The following SIGLECL1 variants were observed in gnomAD, a reference collection of about 807,000 sequenced individuals.
SIGLECL1 encodes SIGLEC family-like protein 1.
SIGLECL1 carries 16 observed loss-of-function variants against 19.1 expected under a neutral mutation model. The ratio of observed to expected loss-of-function variants is 0.84; its 90% confidence interval spans 0.57 to 1.27. The LOEUF (loss-of-function observed/expected upper bound fraction) is 1.27, where lower values mean the gene tolerates loss of function less well. SIGLECL1 is among the 50% of genes most tolerant of loss of function. The pLI, the probability that SIGLECL1 is intolerant of heterozygous loss-of-function variation, is 0.00. For synonymous variants in SIGLECL1, 89 were observed against 90.4 expected (o/e 0.98, Z 0.09); for missense variants, 210 against 239.4 (o/e 0.88, Z 0.81).
At chr19:51,249,433 G>A (rs546893223), upstream of SIGLECL1, among the ~76,000 whole-genome samples, 1 of 151,892 alleles carries the variant, frequency 6.6e-6, no homozygotes, top group East Asian at 1.9e-4. Flanking sequence ...AGGCCCTGGA[G>A]GGTGAACATC....
intron 4 of SIGLECL1, among the ~76,000 whole-genome samples, chr19:51,266,581 T>C (rs929914618): frequency 6.6e-6 from 1 of 152,020 alleles, no homozygotes; most frequent in Non-Finnish European, 1.5e-5. Flanking sequence ...AAGGGATATC[T>C]AACCTTTGTA....
intron 1 of SIGLECL1, among the ~76,000 whole-genome samples, chr19:51,256,725 G>T (rs572462122): frequency 6.6e-6 from 1 of 152,240 alleles, no homozygotes; most frequent in Non-Finnish European, 1.5e-5. Flanking sequence ...CTGGATTGTG[G>T]TAATCATTCC....
intron 1 of SIGLECL1, chr19:51,255,826 A>G (rs1339010729): frequency 6.6e-6 from 1 of 152,222 alleles, no homozygotes; most frequent in African/African-American, 2.4e-5. Context: ...AACCTTGTAC[A>G]CTGTTGGTGG....
upstream of SIGLECL1, among the ~76,000 whole-genome samples, chr19:51,248,170 T>G (rs183078952): frequency 1.1e-5 from 1 of 89,384 alleles, no homozygotes; most frequent in Non-Finnish European, 2.1e-5. Context: ...CCGCTCCATC[T>G]TCCCTTCTCT....
Position 51,264,003 on chromosome 19 carries a change from T to C in SIGLECL1, c.-70T>C, listed in dbSNP as rs1983442677. Reference sequence around the variant, plus strand: ...ATCACCTCACTCCTTCTGAACCATATGGTTCTGATGTCAGAGCCAGTGTAG... The same window carrying C: ...ATCACCTCACTCCTTCTGAACCATACGGTTCTGATGTCAGAGCCAGTGTAG... On this transcript the variant is annotated 5_prime_UTR_variant, in exon 2 of 6. It removes an upstream start codon present in the reference 5' UTR. Transcript: ENST00000601727. The C allele has an allele frequency of 3.8e-6, 6 of 1,592,962 alleles. No homozygotes were observed. The African/African-American group carries it at 5.4e-5, about 14-fold the overall frequency.
upstream of SIGLECL1, among the ~76,000 whole-genome samples, chr19:51,250,138 G>A (rs1568440743): frequency 6.6e-6 from 1 of 151,446 alleles, no homozygotes; most frequent in East Asian, 1.9e-4. Flanking sequence ...CCAGGCTGGA[G>A]TGCAGTGGTG....
At chr19:51,256,724 G>A (rs944047272) in intron 1 of SIGLECL1, among the ~76,000 whole-genome samples, 6 of 152,092 alleles carry the variant, frequency 3.9e-5, no homozygotes, top group African/African-American at 1.4e-4. Context: ...ACTGGATTGT[G>A]GTAATCATTC....
intron 4 of SIGLECL1, among the ~76,000 whole-genome samples, chr19:51,266,711 C>T (rs1276510034): frequency 1.3e-5 from 2 of 152,098 alleles, no homozygotes; most frequent in African/African-American, 4.8e-5. Flanking sequence ...TGTTGGTTCA[C>T]AGGGTGTTAA....
chr19:51,252,580 GA>G (rs1262480554), intron 1 of SIGLECL1, among the ~76,000 whole-genome samples: 1 of 152,030 alleles, frequency 6.6e-6, no homozygotes, highest in Non-Finnish European at 1.5e-5. Flanking sequence ...TTAAACAGAA[GA>G]AAGGGGAAGG....
At chr19:51,267,653 G>C (rs1983780658) in intron 5 of SIGLECL1, 124 bp downstream of exon 5, 1 of 1,132,844 alleles carries the variant, frequency 8.8e-7, no homozygotes, top group African/African-American at 1.6e-5. Context: ...CCTAATGCTA[G>C]AGTGTGCTTT....
At chr19:51,250,162 C>T (rs955651022), upstream of SIGLECL1, among the ~76,000 whole-genome samples, 3 of 151,998 alleles carry the variant, frequency 2.0e-5, no homozygotes, top group African/African-American at 7.2e-5. Flanking sequence ...TCTCGGCTCA[C>T]TGCAACTTCC....
intron 1 of SIGLECL1, chr19:51,255,905 A>G (rs1982773104): frequency 6.6e-6 from 1 of 152,164 alleles, no homozygotes; most frequent in Non-Finnish European, 1.5e-5. Context: ...AAATAGAACT[A>G]CCATATGATT....
upstream of SIGLECL1, among the ~76,000 whole-genome samples, chr19:51,246,833 G>A (rs976425791): frequency 2.6e-4 from 39 of 152,280 alleles, no homozygotes; most frequent in African/African-American, 9.4e-4. Context: ...TTTAGCAGGA[G>A]ACAAGATAAG....
At chr19:51,264,117 C>T (rs1983454639) in intron 2 of SIGLECL1, 23 bp downstream of exon 2, 2 of 1,613,630 alleles carry the variant, frequency 1.2e-6, no homozygotes, top group African/African-American at 1.3e-5. Flanking sequence ...AGAAGCAGCA[C>T]TGGAGGTGTG....
Position 51,263,917 on chromosome 19 carries a change from C to A in SIGLECL1, c.-156C>A, listed in dbSNP as rs1983433397. 4.8e-6 allele frequency: 4 copies of A among 829,588 alleles called. No homozygotes were observed. The highest frequency in any genetic ancestry group is 7.5e-6 in the Non-Finnish European group (4 of 529,856). 51.4% of individuals were successfully genotyped at this position (829,588 alleles called of 1,614,324 possible). ...CCTTCACGATGACCAGAGACAGAAG[C>A]CCCTGACTTGGCTAAAGATACTTCT... is the stretch of plus-strand genomic sequence containing the variant. On this transcript the variant is annotated 5_prime_UTR_variant, in exon 2 of 6. Transcript: ENST00000601727.
At chr19:51,259,105 A>C (rs1016528199) in intron 1 of SIGLECL1, among the ~76,000 whole-genome samples, 1 of 147,364 alleles carries the variant, frequency 6.8e-6, no homozygotes, top group African/African-American at 2.5e-5. Flanking sequence ...TGGATAAGAG[A>C]TATTTCTGGG....
chr19:51,260,807 A>C (rs1983155256), intron 1 of SIGLECL1, among the ~76,000 whole-genome samples: 1 of 152,200 alleles, frequency 6.6e-6, no homozygotes, highest in Admixed American at 6.5e-5. Context: ...ATTTTCATGG[A>C]AATTTTATTA....
chr19:51,265,694 G>A (rs779818809), intron 3 of SIGLECL1, 45 bp downstream of exon 3: 1 of 1,612,200 alleles, frequency 6.2e-7, no homozygotes, highest in Non-Finnish European at 8.5e-7. Context: ...ACAATAAGCG[G>A]GATGGGGACA....
intron 1 of SIGLECL1, among the ~76,000 whole-genome samples, chr19:51,259,967 A>C (rs947664862): frequency 6.6e-6 from 1 of 152,246 alleles, no homozygotes; most frequent in African/African-American, 2.4e-5. Flanking sequence ...ACTCATACTG[A>C]GGAAGGCAAA....
Sources: gnomAD v4.1 joint callset for allele counts (sites outside exome capture counted in the v4.1 genomes callset) on GRCh38, gnomAD v4.1.1 for gene constraint, MANE v1.5 for transcripts, NCBI Gene and HGNC (gene_info 2026-07-23, HGNC 2026-07-21) for gene names.